The following ABCC11 variants were observed in gnomAD, a reference collection of about 807,000 sequenced individuals.
ABCC11 encodes the protein ATP-binding cassette sub-family C member 11.
Under a neutral mutation model 149.3 loss-of-function variants are expected in ABCC11, and 135 were observed. That is an observed-to-expected ratio of 0.90 (90% CI 0.79 to 1.04). The LOEUF (loss-of-function observed/expected upper bound fraction) is 1.04, where lower values mean the gene tolerates loss of function less well. Among genes scored for constraint, ABCC11 ranks in the 50% least tolerant of loss-of-function variants. The probability of loss-of-function intolerance (pLI) is 0.00; values close to 1 mark genes in which losing one functional copy is unlikely to be tolerated. For synonymous variants in ABCC11, 665 were observed against 671.4 expected (o/e 0.99, Z 0.15); for missense variants, 1,680 against 1,722.1 (o/e 0.98, Z 0.43).
chr16:48,184,581 AAAC>A lies in ABCC11; in HGVS notation c.3114_3116del (p.Leu1038del), dbSNP rs763684238. The A allele has an allele frequency of 1.2e-6, 2 of 1,614,132 alleles. No individual in the cohort carries two copies. Among genetic ancestry groups the A allele is most frequent in the Non-Finnish European group, 8.5e-7 (1 of 1,180,044 alleles). ...ATGCCATCCATCGTGTGGAAGATAGAAACAACAGCAGGTAGTTATTCTGCGCAT... is the reference window on the plus strand; with the variant it reads ...ATGCCATCCATCGTGTGGAAGATAGAAACAGCAGGTAGTTATTCTGCGCAT... On this transcript the variant is annotated inframe_deletion, in exon 23 of 30. Transcript: ENST00000356608.
chr16:48,244,692 G>A lies in ABCC11; in HGVS notation c.-19+2622C>T. 3 of 1,124,614 alleles carry A rather than the reference G, an allele frequency of 2.7e-6. No homozygotes were observed. In the South Asian group the frequency reaches 7.1e-5, roughly 27 times the overall value. The allele number at this position is 1,124,614 out of a possible 1,614,324, so 69.7% of individuals were successfully genotyped here. A position where few individuals can be genotyped will look rare whatever the true frequency, so the allele number is the denominator to read the frequency against. ...TCCGGGGACCTGGGCCCAGGCCACG[G>A]CCTGCCTTGAGCGCGAGGCTCAGTT... On this transcript the variant is annotated intron_variant, in intron 1 of 29. Coordinates refer to ENST00000356608, the MANE Select transcript of ABCC11 (RefSeq NM_001370497.1).
chr16:48,220,449 C>G (rs544221605), intron 6 of ABCC11, among the ~76,000 whole-genome samples: 3 of 152,186 alleles, frequency 2.0e-5, no homozygotes, highest in Admixed American at 6.5e-5. Flanking sequence ...GGGGTTGTTA[C>G]GATGACTTTC....
rs2150819280 is a variant in ABCC11, at chr16:48,200,424, G to A, written c.1934C>T (p.Ala645Val). ...SGGQKQRISL[A>V]RAVYSDRQIY... ...CTGACGGTCGGAATAGACGGCGCGG[G>A]CCAGGCTGATCCTCTGTTTCTGCCC... Residue 645 changes from alanine (A) to valine (V), a missense_variant, in exon 15 of 30, where the codon GCC becomes GTC. Physicochemically the swap from Ala to Val is moderately conservative, Grantham distance 64 (BLOSUM62 0). Transcript: ENST00000356608. 1.9e-6 allele frequency: 3 copies of A among 1,614,216 alleles called. No individual in the cohort carries two copies. Among genetic ancestry groups the A allele is most frequent in the Non-Finnish European group, 2.5e-6 (3 of 1,180,050 alleles).
chr16:48,182,202 A>G (rs932454054), intron 23 of ABCC11, among the ~76,000 whole-genome samples: 1 of 152,228 alleles, frequency 6.6e-6, no homozygotes, highest in Non-Finnish European at 1.5e-5. Flanking sequence ...TCCAGCACAC[A>G]CATGCACTCC....
At chr16:48,246,231 G>T (rs1221238255) in intron 1 of ABCC11, among the ~76,000 whole-genome samples, 1 of 152,006 alleles carries the variant, frequency 6.6e-6, no homozygotes, top group East Asian at 1.9e-4. Flanking sequence ...AAATATTTTG[G>T]CTCCCATCTG....
intron 1 of ABCC11, among the ~76,000 whole-genome samples, chr16:48,240,959 A>G (rs1970938696): frequency 6.6e-6 from 1 of 151,824 alleles, no homozygotes; most frequent in Non-Finnish European, 1.5e-5. Flanking sequence ...TTTGAGACAG[A>G]GTTTCTCTCT....
intron 13 of ABCC11, among the ~76,000 whole-genome samples, chr16:48,204,090 T>G (rs150520615): frequency 1.4e-4 from 21 of 152,358 alleles, no homozygotes; most frequent in Non-Finnish European, 2.5e-4. Context: ...CAATGCAGTG[T>G]GAACATCTTT....
chr16:48,231,711 A>G, intron 2 of ABCC11, 112 bp downstream of exon 2: 1 of 1,456,252 alleles, frequency 6.9e-7, no homozygotes, highest in East Asian at 2.4e-5. Context: ...AAAAGAAAAA[A>G]AATTCAAGGG....
chr16:48,196,978 C>T (rs952862540), intron 17 of ABCC11, among the ~76,000 whole-genome samples: 10 of 148,506 alleles, frequency 6.7e-5, no homozygotes, highest in Non-Finnish European at 1.5e-4. Flanking sequence ...AATTTTAATC[C>T]TGAGGGAAAT....
chr16:48,184,217 C>T (rs1209098063), intron 23 of ABCC11, among the ~76,000 whole-genome samples: 1 of 152,194 alleles, frequency 6.6e-6, no homozygotes, highest in African/African-American at 2.4e-5. Flanking sequence ...GTCCTGTGAT[C>T]CTATTAAATA....
At chr16:48,243,015 C>T (rs1192418625) in intron 1 of ABCC11, among the ~76,000 whole-genome samples, 3 of 151,028 alleles carry the variant, frequency 2.0e-5, no homozygotes, top group African/African-American at 4.9e-5. Flanking sequence ...CAAACCTGTA[C>T]GTTGTGCACA....
rs1435443403 is a variant in ABCC11, at chr16:48,222,721, C to CA, written c.653dup (p.Ser219GlufsTer26). On this transcript the variant is annotated frameshift_variant, in exon 6 of 30. Coordinates refer to ENST00000356608, the MANE Select transcript of ABCC11 (RefSeq NM_001370497.1). LOFTEE classifies it high-confidence loss of function. ...TGATGATCCAACTGGAGGAGAAACT[C>CA]AGAGACTTCACACATTCGGAGAGAA... is the stretch of plus-strand genomic sequence containing the variant. 6.8e-6 allele frequency: 11 copies of CA among 1,614,116 alleles called. No individual in the cohort carries two copies. In the African/African-American group the frequency reaches 1.5e-4, roughly 22 times the overall value.
chr16:48,212,103 A>T (rs1968976728), intron 10 of ABCC11, among the ~76,000 whole-genome samples: 1 of 152,208 alleles, frequency 6.6e-6, no homozygotes, highest in Non-Finnish European at 1.5e-5. Flanking sequence ...CAGCAGTAGG[A>T]GCCTTCTCAT....
intron 3 of ABCC11, among the ~76,000 whole-genome samples, chr16:48,228,369 G>C (rs1202854231): frequency 6.6e-6 from 1 of 151,994 alleles, no homozygotes; most frequent in Non-Finnish European, 1.5e-5. Flanking sequence ...CGAGGAGGGT[G>C]GATCACCTGA....
At chr16:48,168,860 G>T (rs1965507251) in intron 28 of ABCC11, among the ~76,000 whole-genome samples, 1 of 152,098 alleles carries the variant, frequency 6.6e-6, no homozygotes, top group African/African-American at 2.4e-5. Flanking sequence ...TGGACACAGG[G>T]AGGGGAACAT....
intron 15 of ABCC11, 71 bp downstream of exon 15, chr16:48,200,203 ACT>A (rs1967825123): frequency 1.4e-6 from 2 of 1,477,622 alleles, no homozygotes; most frequent in Admixed American, 3.5e-5. Context: ...ATTGAATCAC[ACT>A]CTGAAATGGC....
intron 14 of ABCC11, 121 bp from the exon 15 acceptor site, chr16:48,200,600 C>A: frequency 2.1e-6 from 2 of 968,842 alleles, no homozygotes; most frequent in Non-Finnish European, 3.0e-6. Context: ...TGCACACACT[C>A]CAGGATACCT....
intron 3 of ABCC11, among the ~76,000 whole-genome samples, chr16:48,229,860 G>C (rs1596842634): frequency 6.6e-6 from 1 of 152,308 alleles, no homozygotes; most frequent in South Asian, 2.1e-4. Context: ...AGACTCTCCA[G>C]TGACACTGGC....
Position 48,170,904 on chromosome 16 carries a change from T to G in ABCC11, c.3762A>C (p.Thr1254=). 6.2e-7 allele frequency: 1 copy of G among 1,613,754 alleles called. No individual in the cohort carries two copies. The highest frequency in any genetic ancestry group is 8.5e-7 in the Non-Finnish European group (1 of 1,179,662). The change falls in exon 27 of 30, where the codon ACA becomes ACC. Residue 1254 remains threonine (T), a synonymous_variant. Transcript: ENST00000356608. The part of the protein sequence containing the change: ...DQQIWDALER[T]FLTKAISKFP... ...AGCTACTTACGGCCTTGGTCAGGAA[T>G]GTCCTCTCCAAGGCATCCCAGATCT...
Sources: gnomAD v4.1 joint callset for allele counts (sites outside exome capture counted in the v4.1 genomes callset) on GRCh38, gnomAD v4.1.1 for gene constraint, MANE v1.5 for transcripts, NCBI Gene and HGNC (gene_info 2026-07-23, HGNC 2026-07-21) for gene names.